Variants in TTC28 observed in about 807,000 individuals in gnomAD.
The protein encoded by TTC28 is tetratricopeptide repeat protein 28.
Under a neutral mutation model 198.0 loss-of-function variants are expected in TTC28, and 61 were observed. The observed-to-expected ratio is 0.31, with a 90% confidence interval of 0.25 to 0.38. TTC28 has a LOEUF of 0.38. Among genes scored for constraint, TTC28 ranks in the 10% least tolerant of loss-of-function variants. The pLI is 1.00. For missense variants in TTC28, 2,678 were observed against 3,164.0 expected, an observed-to-expected ratio of 0.85 and a Z score of 3.69; for synonymous variants, 1,171 against 1,297.8, an observed-to-expected ratio of 0.90 and a Z score of 2.10.
chr22:28,163,413 C>A lies in TTC28; in HGVS notation c.1120G>T (p.Val374Leu), dbSNP rs755613041. Residue 374 changes from valine to leucine, a missense_variant, in exon 6 of 23, where the codon GTG (valine) becomes TTG (leucine). Around this residue, in one of 8 missense-constraint regions of TTC28, gnomAD observed 775 missense variants for 845.9 expected, o/e 0.92. Coordinates refer to ENST00000397906, the MANE Select transcript of TTC28 (RefSeq NM_001145418.2). ...YIAMGDFENA[V>L]QCHEQHLKIA... Reference sequence around the variant, plus strand: ...TTCAGATGCTGCTCATGGCACTGCACAGCATTCTCAAAGTCACCCATGGCA... The same window carrying A: ...TTCAGATGCTGCTCATGGCACTGCAAAGCATTCTCAAAGTCACCCATGGCA... 1.9e-6 allele frequency: 3 copies of A among 1,551,910 alleles called. No individual in the cohort carries two copies. In the South Asian group the frequency reaches 3.6e-5, roughly 18 times the overall value.
At chr22:28,055,765 C>T (rs897548873) in intron 12 of TTC28, among the ~76,000 whole-genome samples, 4 of 152,102 alleles carry the variant, frequency 2.6e-5, no homozygotes, top group African/African-American at 9.7e-5. Context: ...ACCCCACTCC[C>T]TTTCTCCCCA....
intron 5 of TTC28, among the ~76,000 whole-genome samples, chr22:28,209,894 G>A (rs1926767537): frequency 6.6e-6 from 1 of 152,156 alleles, no homozygotes; most frequent in African/African-American, 2.4e-5. Flanking sequence ...CCCAGTAGGG[G>A]CCGACTGACA....
At chr22:28,281,535 C>G (rs1031834275) in intron 5 of TTC28, among the ~76,000 whole-genome samples, 85 of 152,206 alleles carry the variant, frequency 5.6e-4, no homozygotes, top group African/African-American at 1.9e-3. Flanking sequence ...TTTTAAAACT[C>G]TTTTCTATTA....
intron 2 of TTC28, among the ~76,000 whole-genome samples, chr22:28,536,393 G>C (rs1044099497): frequency 1.3e-5 from 2 of 151,734 alleles, no homozygotes; most frequent in Non-Finnish European, 1.5e-5. Context: ...GGGAGGCCGA[G>C]GCGGGCGGAT....
intron 15 of TTC28, chr22:28,000,623 T>A (rs961936412): frequency 6.6e-6 from 1 of 151,836 alleles, no homozygotes; most frequent in African/African-American, 2.4e-5. Context: ...GCCAGGCGGG[T>A]GCGGAGCCCT....
chr22:28,624,808 G>C (rs559992400), intron 2 of TTC28, among the ~76,000 whole-genome samples: 1 of 152,118 alleles, frequency 6.6e-6, no homozygotes, highest in South Asian at 2.1e-4. Context: ...CTACAGATCA[G>C]TATCTCTCTT....
At chr22:28,505,624 C>CA (rs2048601193) in intron 2 of TTC28, among the ~76,000 whole-genome samples, 1 of 152,174 alleles carries the variant, frequency 6.6e-6, no homozygotes, top group Non-Finnish European at 1.5e-5. Flanking sequence ...GTCCAATACA[C>CA]AGAGCTATGT....
At chr22:28,625,816 G>A (rs1056443390) in intron 2 of TTC28, among the ~76,000 whole-genome samples, 1 of 152,050 alleles carries the variant, frequency 6.6e-6, no homozygotes, top group Non-Finnish European at 1.5e-5. Context: ...AGTAATTAAG[G>A]CATTATGGTT....
intron 1 of TTC28, among the ~76,000 whole-genome samples, chr22:28,654,977 T>C (rs1028335611): frequency 1.3e-5 from 2 of 152,226 alleles, no homozygotes; most frequent in Non-Finnish European, 2.9e-5. Flanking sequence ...TAGGACTATA[T>C]TCTTTAGCTT....
At chr22:28,486,493 TG>T (rs35609143) in intron 2 of TTC28, among the ~76,000 whole-genome samples, 1 of 152,012 alleles carries the variant, frequency 6.6e-6, no homozygotes, top group East Asian at 1.9e-4. Flanking sequence ...CTGCCAAAAG[TG>T]GGGGGGTGAT....
intron 2 of TTC28, among the ~76,000 whole-genome samples, chr22:28,316,981 C>T (rs1489739862): frequency 6.6e-6 from 1 of 152,028 alleles, no homozygotes; most frequent in Non-Finnish European, 1.5e-5. Context: ...GCTATGTTAT[C>T]TAGGCTGGTC....
chr22:28,378,924 T>C (rs2046454404), intron 2 of TTC28, among the ~76,000 whole-genome samples: 1 of 152,128 alleles, frequency 6.6e-6, no homozygotes. Flanking sequence ...ATAACTGTTA[T>C]TGCTTAAATA....
intron 2 of TTC28, among the ~76,000 whole-genome samples, chr22:28,444,154 T>C (rs1226168313): frequency 6.6e-6 from 1 of 152,198 alleles, no homozygotes; most frequent in Non-Finnish European, 1.5e-5. Context: ...ATTATATAAT[T>C]CTACTATTTA....
At chr22:28,238,370 CA>C (rs1324978895) in intron 5 of TTC28, among the ~76,000 whole-genome samples, 1 of 152,064 alleles carries the variant, frequency 6.6e-6, no homozygotes, top group Non-Finnish European at 1.5e-5. Context: ...TAAGCCCATC[CA>C]GTCATTTTTC....
chr22:28,095,465 T>TA (rs1941944435), intron 11 of TTC28, among the ~76,000 whole-genome samples: 1 of 152,142 alleles, frequency 6.6e-6, no homozygotes, highest in Non-Finnish European at 1.5e-5. Context: ...GGCTTACAGA[T>TA]ATTCAAGAAG....
intron 2 of TTC28, among the ~76,000 whole-genome samples, chr22:28,338,553 C>T (rs971013942): frequency 1.3e-5 from 2 of 151,994 alleles, no homozygotes; most frequent in South Asian, 2.1e-4. Context: ...TATTCTTTTT[C>T]CTCTAAACTT....
chr22:28,339,734 T>C (rs1281725490), intron 2 of TTC28, among the ~76,000 whole-genome samples: 2 of 152,176 alleles, frequency 1.3e-5, no homozygotes, highest in Non-Finnish European at 2.9e-5. Context: ...GCTAAGACCG[T>C]TGGAAAAGCG....
chr22:28,418,838 T>C (rs1264142010), intron 2 of TTC28, among the ~76,000 whole-genome samples: 1 of 152,226 alleles, frequency 6.6e-6, no homozygotes, highest in Non-Finnish European at 1.5e-5. Flanking sequence ...AACATGTCCA[T>C]TTGCTTTGAA....
chr22:28,094,102 C>G lies in TTC28; in HGVS notation c.3910G>C (p.Gly1304Arg), dbSNP rs1036071579. Residue 1304 changes from glycine to arginine, a missense_variant, in exon 12 of 23, where the codon GGG becomes CGG. This residue lies in a region of TTC28 where 727 missense variants were observed against 861.9 expected (regional missense o/e 0.84). Coordinates refer to ENST00000397906, the MANE Select transcript of TTC28 (RefSeq NM_001145418.2). ...QHIASVREALGVESHYSRACA... is the reference protein window; with the variant it reads ...QHIASVREALRVESHYSRACA... ...TACCTTGAGTAGTGAGACTCCACCC[C>G]CAGGGCCTCCCGGACACTGGCAATG... is the stretch of plus-strand genomic sequence containing the variant. 4.5e-6 allele frequency: 7 copies of G among 1,549,644 alleles called. No individual in the cohort carries two copies. The highest frequency in any genetic ancestry group is 1.4e-5 in the African/African-American group (1 of 73,066).
Sources: gnomAD v4.1 joint callset for allele counts (sites outside exome capture counted in the v4.1 genomes callset) on GRCh38, gnomAD v4.1.1 for gene constraint, gnomAD v4.1.1 regional missense constraint, MANE v1.5 for transcripts, NCBI Gene and HGNC (gene_info 2026-07-23, HGNC 2026-07-21) for gene names.